The following SORCS2 variants were observed in gnomAD, a reference collection of about 807,000 sequenced individuals.
The protein encoded by SORCS2 is VPS10 domain-containing receptor SorCS2.
In SORCS2, 100 loss-of-function variants were observed where a neutral mutation model predicts 141.6. The ratio of observed to expected loss-of-function variants is 0.71; its 90% confidence interval spans 0.60 to 0.83. The LOEUF (loss-of-function observed/expected upper bound fraction) is 0.83. Among genes scored for constraint, SORCS2 ranks in the 40% least tolerant of loss-of-function variants. The pLI is 0.00. For missense variants in SORCS2, 1,646 were observed against 1,560.2 expected, an observed-to-expected ratio of 1.05 and a Z score of -0.93; for synonymous variants, 789 against 676.9, an observed-to-expected ratio of 1.17 and a Z score of -2.57.
chr4:7,723,587 G>C, intron 18 of SORCS2, 110 bp from the exon 19 acceptor site: 4 of 1,254,330 alleles, frequency 3.2e-6, no homozygotes, highest in Middle Eastern at 2.4e-4. Flanking sequence ...TGTCAAGGAA[G>C]GGAGGGCGGC....
intron 2 of SORCS2, among the ~76,000 whole-genome samples, chr4:7,413,744 ATTAT>A (rs1040063184): frequency 1.3e-5 from 2 of 152,120 alleles, no homozygotes; most frequent in Non-Finnish European, 2.9e-5. Flanking sequence ...GGAGGTGTTA[ATTAT>A]TTAACCAAGT....
At chr4:7,243,452 G>C (rs1456243325) in intron 1 of SORCS2, among the ~76,000 whole-genome samples, 5 of 152,152 alleles carry the variant, frequency 3.3e-5, no homozygotes, top group African/African-American at 1.2e-4. Context: ...AGAGAGACAA[G>C]GCCAGACCAG....
At chr4:7,396,255 A>G in intron 1 of SORCS2, 33 bp from the exon 2 acceptor site, 1 of 1,610,096 alleles carries the variant, frequency 6.2e-7, no homozygotes, top group South Asian at 1.1e-5. Flanking sequence ...GCACCCACTG[A>G]TTTCTGCCTT....
At chr4:7,582,631 G>A (rs28431064) in intron 3 of SORCS2, among the ~76,000 whole-genome samples, 18,490 of 151,638 alleles carry the variant, frequency 0.12, 1,192 homozygotes, top group African/African-American at 0.14. Flanking sequence ...TCGACACAAG[G>A]GTTTGTAAAA....
chr4:7,251,922 C>T (rs550537743), intron 1 of SORCS2, among the ~76,000 whole-genome samples: 1 of 152,254 alleles, frequency 6.6e-6, no homozygotes, highest in African/African-American at 2.4e-5. Flanking sequence ...AAAGCAGGGA[C>T]TGGGCATCCC....
chr4:7,636,927 G>A (rs74836632), intron 3 of SORCS2, among the ~76,000 whole-genome samples: 3,612 of 152,154 alleles, frequency 0.024, 128 homozygotes, highest in African/African-American at 0.081. Context: ...GGGACCCTTC[G>A]TTCTGTGCCG....
intron 10 of SORCS2, among the ~76,000 whole-genome samples, chr4:7,684,870 G>A (rs1286269170): frequency 6.6e-6 from 1 of 152,110 alleles, no homozygotes; most frequent in East Asian, 1.9e-4. Flanking sequence ...GGTACTAAGA[G>A]GGGAGGAATT....
At chr4:7,692,641 A>AT (rs946750860) in intron 11 of SORCS2, among the ~76,000 whole-genome samples, 2 of 152,200 alleles carry the variant, frequency 1.3e-5, no homozygotes, top group African/African-American at 4.8e-5. Context: ...CAAAGGGATG[A>AT]TGACCGCAGG....
chr4:7,266,063 G>C (rs1002081359), intron 1 of SORCS2, among the ~76,000 whole-genome samples: 3 of 152,134 alleles, frequency 2.0e-5, no homozygotes, highest in Non-Finnish European at 4.4e-5. Flanking sequence ...ACTCAGACCT[G>C]ACCCTAAATT....
At chr4:7,608,119 T>C (rs1451583068) in intron 3 of SORCS2, among the ~76,000 whole-genome samples, 1 of 152,096 alleles carries the variant, frequency 6.6e-6, no homozygotes, top group Non-Finnish European at 1.5e-5. Flanking sequence ...TGGGAGCTAG[T>C]GTATGGCACA....
chr4:7,421,886 C>A (rs1280694083), intron 2 of SORCS2, among the ~76,000 whole-genome samples: 1 of 134,808 alleles, frequency 7.4e-6, no homozygotes, highest in Non-Finnish European at 1.6e-5. Context: ...CTGGGGCGGG[C>A]TTGCAGGAGA....
At chr4:7,395,618 G>A (rs1724161202) in intron 1 of SORCS2, among the ~76,000 whole-genome samples, 1 of 150,642 alleles carries the variant, frequency 6.6e-6, no homozygotes, top group African/African-American at 2.5e-5. Context: ...ATAAATAGTT[G>A]CATTTTCTGC....
intron 2 of SORCS2, among the ~76,000 whole-genome samples, chr4:7,424,716 G>C (rs899542094): frequency 6.6e-6 from 1 of 152,214 alleles, no homozygotes; most frequent in African/African-American, 2.4e-5. Context: ...GGACAAAGCA[G>C]TGAGGGCGTG....
chr4:7,506,662 C>T (rs1732295331), intron 2 of SORCS2, among the ~76,000 whole-genome samples: 1 of 152,228 alleles, frequency 6.6e-6, no homozygotes, highest in Non-Finnish European at 1.5e-5. Context: ...GTCCTTGTCA[C>T]TGAACTGGTA....
chr4:7,479,770 ATGAATG>A (rs1322490098), intron 2 of SORCS2, among the ~76,000 whole-genome samples: 1 of 152,258 alleles, frequency 6.6e-6, no homozygotes, highest in East Asian at 1.9e-4. Flanking sequence ...TGCTCTGCAA[ATGAATG>A]TGAATGTGAA....
At chr4:7,512,996 C>T in intron 2 of SORCS2, among the ~76,000 whole-genome samples, 1 of 152,162 alleles carries the variant, frequency 6.6e-6, no homozygotes, top group East Asian at 1.9e-4. Flanking sequence ...AAGCCCACAT[C>T]ATTGTTCCTG....
At chr4:7,409,456 T>G (rs1725169137) in intron 2 of SORCS2, among the ~76,000 whole-genome samples, 1 of 152,210 alleles carries the variant, frequency 6.6e-6, no homozygotes, top group Non-Finnish European at 1.5e-5. Flanking sequence ...TTGGCCAAAT[T>G]ACAGAGCAGA....
intron 3 of SORCS2, among the ~76,000 whole-genome samples, chr4:7,544,543 C>T (rs1009085125): frequency 1.3e-5 from 2 of 152,222 alleles, no homozygotes; most frequent in South Asian, 4.1e-4. Context: ...TATATGTGCC[C>T]CCTGCCATTG....
intron 17 of SORCS2, 48 bp from the exon 18 acceptor site, chr4:7,717,964 C>A (rs201538318): frequency 2.0e-6 from 3 of 1,519,860 alleles, no homozygotes; most frequent in Non-Finnish European, 2.6e-6. Context: ...GGGCCCCATC[C>A]CTTGCCACCT....
Sources: gnomAD v4.1 joint callset for allele counts (sites outside exome capture counted in the v4.1 genomes callset) on GRCh38, gnomAD v4.1.1 for gene constraint, MANE v1.5 for transcripts, NCBI Gene and HGNC (gene_info 2026-07-23, HGNC 2026-07-21) for gene names.